The following ENAH variants were observed in gnomAD, a reference collection of about 807,000 sequenced individuals.
ENAH encodes ENAH actin regulator, also known as protein enabled homolog.
Under a neutral mutation model 78.7 loss-of-function variants are expected in ENAH, and 23 were observed. The observed-to-expected ratio is 0.29, with a 90% CI of 0.21 to 0.41. The LOEUF (loss-of-function observed/expected upper bound fraction) is 0.41, where lower values mean the gene tolerates loss of function less well. ENAH is among the 10% of genes least tolerant of loss of function. The pLI is 1.00. For synonymous variants in ENAH, 226 were observed against 241.0 expected (o/e 0.94, Z 0.58); for missense variants, 544 against 691.0 (o/e 0.79, Z 2.39).
chr1:225,488,656 A>G lies in ENAH; in HGVS notation c.*9119T>C, dbSNP rs2096209706. 2 of 152,254 alleles carry G rather than the reference A, an allele frequency of 1.3e-5. No homozygotes were observed. The highest frequency in any genetic ancestry group is 2.1e-4 in the South Asian group (1 of 4,834). The allele number at this position is 152,254 out of a possible 1,614,324, so 9.4% of individuals were successfully genotyped here. A position where few individuals can be genotyped will look rare whatever the true frequency, so the allele number is the denominator to read the frequency against. On this transcript the variant is annotated 3_prime_UTR_variant, in exon 14 of 14. Coordinates refer to ENST00000366843, the MANE Select transcript of ENAH (RefSeq NM_018212.6). Reference sequence around the variant, plus strand: ...TGTTAGAAACACTTCATGTTCTCCAAAAAAGAAAAGCACCTAACGAAAAGC... The same window carrying G: ...TGTTAGAAACACTTCATGTTCTCCAGAAAAGAAAAGCACCTAACGAAAAGC...
At chr1:225,514,293 A>G (rs1012053849) in intron 7 of ENAH, among the ~76,000 whole-genome samples, 1 of 151,924 alleles carries the variant, frequency 6.6e-6, no homozygotes, top group African/African-American at 2.4e-5. Context: ...CAGCCTCCCG[A>G]GCAGCTGGGA....
intron 3 of ENAH, among the ~76,000 whole-genome samples, chr1:225,539,480 C>T (rs2096578854): frequency 6.6e-6 from 1 of 152,168 alleles, no homozygotes; most frequent in Non-Finnish European, 1.5e-5. Context: ...GAGAGACCAC[C>T]AACCTAGACA....
chr1:225,610,448 T>C (rs1047481937), intron 1 of ENAH, among the ~76,000 whole-genome samples: 3 of 152,076 alleles, frequency 2.0e-5, no homozygotes, highest in African/African-American at 7.2e-5. Flanking sequence ...ATAAAAATAT[T>C]GGGGGATACT....
intron 1 of ENAH, among the ~76,000 whole-genome samples, chr1:225,614,398 G>A (rs1045570408): frequency 1.3e-5 from 2 of 152,130 alleles, no homozygotes; most frequent in African/African-American, 4.8e-5. Flanking sequence ...ATAGCCAGAC[G>A]AAGAGACACA....
upstream of ENAH, among the ~76,000 whole-genome samples, chr1:225,653,314 C>T (rs1663411569): frequency 6.6e-6 from 1 of 151,124 alleles, no homozygotes; most frequent in South Asian, 2.1e-4. This position sits in a 1 kb window ranked among gnomAD's most constrained non-coding sequence, Gnocchi z 4.3. Flanking sequence ...GAGAGCGAGG[C>T]TGGGAGAGAG....
chr1:225,529,922 T>TA (rs1158787395), intron 4 of ENAH, among the ~76,000 whole-genome samples: 18 of 152,178 alleles, frequency 1.2e-4, no homozygotes, highest in Non-Finnish European at 2.4e-4. Flanking sequence ...GACTGTTCTC[T>TA]AAAGAAACTG....
At chr1:225,647,526 C>G (rs1470995088) in intron 1 of ENAH, among the ~76,000 whole-genome samples, 3 of 151,906 alleles carry the variant, frequency 2.0e-5, no homozygotes, top group Non-Finnish European at 4.4e-5. Context: ...CCTGCCTGGT[C>G]CACATAGCAA....
intron 3 of ENAH, among the ~76,000 whole-genome samples, chr1:225,553,963 C>A (rs2096654023): frequency 6.6e-6 from 1 of 152,154 alleles, no homozygotes; most frequent in Non-Finnish European, 1.5e-5. Context: ...ACTAACACAC[C>A]AGCTAGATGC....
In ENAH at chr1:225,569,604, A is replaced by G. The variant is rs548091211; in HGVS notation, c.6-2190T>C. 2.0e-5 allele frequency among the ~76,000 whole-genome samples: 3 copies of G among 152,368 alleles called. No individual in the cohort carries two copies. In the East Asian group the frequency reaches 5.8e-4, roughly 29 times the overall value. On this transcript the variant is annotated intron_variant, in intron 1 of 13. Coordinates refer to ENST00000366843, the MANE Select transcript of ENAH (RefSeq NM_018212.6). ...TTTTTCTTTTAAGTATAAGAAATCT[A>G]AAACAAGGAAAGTTAGCTTTAATGG...
intron 1 of ENAH, among the ~76,000 whole-genome samples, chr1:225,649,459 C>T (rs576477004): frequency 6.6e-6 from 1 of 151,778 alleles, no homozygotes; most frequent in East Asian, 1.9e-4. Context: ...TTAAAAGGCA[C>T]ACACTGTATG....
intron 1 of ENAH, among the ~76,000 whole-genome samples, chr1:225,623,067 G>A (rs1411704224): frequency 1.3e-5 from 2 of 152,126 alleles, no homozygotes; most frequent in African/African-American, 4.8e-5. Context: ...TTTTATTACA[G>A]AAAAGGTTCT....
chr1:225,632,210 G>A (rs988213707), intron 1 of ENAH, among the ~76,000 whole-genome samples: 5 of 152,128 alleles, frequency 3.3e-5, no homozygotes, highest in African/African-American at 1.2e-4. Flanking sequence ...GTAGAACAGT[G>A]GTTCTCAGCT....
chr1:225,495,457 T>G lies in ENAH; in HGVS notation c.*2318A>C, dbSNP rs1454539326. The G allele has an allele frequency of 1.4e-4, 1 of 7,096 alleles. No individual in the cohort carries two copies. Among genetic ancestry groups the G allele is most frequent in the Admixed American group, 2.0e-3 (1 of 506 alleles). The allele number at this position is 7,096 out of a possible 1,614,324, so 0.4% of individuals were successfully genotyped here. On this transcript the variant is annotated 3_prime_UTR_variant, in exon 14 of 14. Coordinates refer to ENST00000366843, the MANE Select transcript of ENAH (RefSeq NM_018212.6). The stretch of plus-strand genomic sequence containing the variant: ...GAAATATAGCATGATTCAACACTGG[T>G]TTTTTTTTTTTTTTTTTTTTGTCAG...
chr1:225,491,853 T>A lies in ENAH; in HGVS notation c.*5922A>T, dbSNP rs2096223742. The A allele has an allele frequency of 6.6e-6, 1 of 152,222 alleles. No individual in the cohort carries two copies. The highest frequency in any genetic ancestry group is 2.1e-4 in the South Asian group (1 of 4,834). 9.4% of individuals were successfully genotyped at this position (152,222 alleles called of 1,614,324 possible). ...CCAACCAAACCAACCTATAACATCA[T>A]CCATCTCCTTTATTAGTTATTTCTT... is the stretch of plus-strand genomic sequence containing the variant. On this transcript the variant is annotated 3_prime_UTR_variant, in exon 14 of 14. Coordinates refer to ENST00000366843, the MANE Select transcript of ENAH (RefSeq NM_018212.6).
chr1:225,652,638 T>A, intron 1 of ENAH, 48 bp downstream of exon 1: 1 of 1,262,102 alleles, frequency 7.9e-7, no homozygotes, highest in Non-Finnish European at 1.0e-6. Flanking sequence ...GGGTCGCGGC[T>A]CCCGCGGCAC....
At chr1:225,561,114 AT>A (rs1454636791) in intron 2 of ENAH, among the ~76,000 whole-genome samples, 1 of 151,816 alleles carries the variant, frequency 6.6e-6, no homozygotes, top group Non-Finnish European at 1.5e-5. Context: ...CGTGCCTGTA[AT>A]CCCTGCTACT....
intron 13 of ENAH, 120 bp from the exon 14 acceptor site, chr1:225,497,932 T>G (rs1268709623): frequency 9.4e-6 from 7 of 741,176 alleles, no homozygotes; most frequent in East Asian, 5.5e-5. Flanking sequence ...GAAGATTAAC[T>G]TTGCATCTTT....
intron 1 of ENAH, among the ~76,000 whole-genome samples, chr1:225,593,387 C>T (rs1027617459): frequency 1.2e-5 from 1 of 82,816 alleles, no homozygotes; most frequent in African/African-American, 4.7e-5. Context: ...TGCAGCCTGC[C>T]CCTGTGTGTG....
At chr1:225,503,064 A>G (rs1007957671) in intron 11 of ENAH, among the ~76,000 whole-genome samples, 1 of 152,218 alleles carries the variant, frequency 6.6e-6, no homozygotes, top group African/African-American at 2.4e-5. Flanking sequence ...GTAATAAACA[A>G]TTGTGGAAAC....
Sources: allele counts gnomAD v4.1 joint callset (sites outside exome capture counted in the v4.1 genomes callset), GRCh38; gene constraint gnomAD v4.1.1; non-coding constraint Gnocchi (gnomAD v3.1); transcripts MANE v1.5; gene names NCBI Gene and HGNC (gene_info 2026-07-23, HGNC 2026-07-21).